TIMM10: variants seen among roughly 807,000 people sequenced by gnomAD.
TIMM10 encodes mitochondrial import inner membrane translocase subunit Tim10.
Under a neutral mutation model 9.1 loss-of-function variants are expected in TIMM10, and 13 were observed. The ratio of observed to expected loss-of-function variants is 1.42; its 90% CI spans 0.93 to 2.26. The LOEUF is 2.26. Among genes scored for constraint, TIMM10 ranks in the 30% most tolerant of loss-of-function variants. TIMM10 has a pLI of 0.00. For synonymous variants in TIMM10, 40 were observed against 42.1 expected (o/e 0.95, Z 0.20); for missense variants, 82 against 113.6 (o/e 0.72, Z 1.26).
In TIMM10 at chr11:57,530,225, C is replaced by T. The variant is rs1944785883; in HGVS notation, c.-36G>A. On this transcript the variant is annotated 5_prime_UTR_variant, in exon 2 of 3. Transcript: ENST00000257245. ...CACCGTGGAAGGGATCTCCTTCTGG[C>T]CTCCTAATCCTGGGAGCAGACATCA... is the stretch of plus-strand genomic sequence containing the variant. 2 of 1,608,216 alleles carry T rather than the reference C, an allele frequency of 1.2e-6. No homozygotes were observed.
At position 57,528,900 on chromosome 11, in the gene TIMM10, G is replaced by A. The variant is rs139791441; in HGVS notation, c.90C>T (p.His30=). The A allele has an allele frequency of 1.2e-6, 2 of 1,613,212 alleles. No homozygotes were observed. Among genetic ancestry groups the A allele is most frequent in the African/African-American group, 1.3e-5 (1 of 74,908 alleles). Reference sequence around the variant, plus strand: ...TGTAGTGAGGAGGCACACACTTCCGGTGGCAGGCACTGGTCATTCTGGAGG... The same window carrying A: ...TGTAGTGAGGAGGCACACACTTCCGATGGCAGGCACTGGTCATTCTGGAGG... ...DMYNRMTSAC[H]RKCVPPHYKE... Residue 30 remains histidine, a synonymous_variant, in exon 3 of 3, where the codon CAC becomes CAT. Coordinates refer to ENST00000257245, the MANE Select transcript of TIMM10 (RefSeq NM_012456.3).
At chr11:57,530,025 AC>A in intron 2 of TIMM10, 93 bp downstream of exon 2, 1 of 1,427,560 alleles carries the variant, frequency 7.0e-7, no homozygotes, top group African/African-American at 1.4e-5. Context: ...AGGCTCCCCT[AC>A]ATTCAGGAAG....
chr11:57,528,975 C>T lies in TIMM10; in HGVS notation c.72-57G>A, dbSNP rs568961472. 67 of 1,578,986 alleles carry T rather than the reference C, an allele frequency of 4.2e-5. No homozygotes were observed. The African/African-American group carries it at 8.5e-4, about 20-fold the overall frequency. On this transcript the variant is annotated intron_variant, in intron 2 of 2. Transcript: ENST00000257245. ...CAGCATCCTGTGACATCCCAGGAAC[C>T]TTGACCATTCCAGCCCTGCTATATT...
rs748010105 is a variant in TIMM10, at chr11:57,528,914, T to C, written c.76A>G (p.Thr26Ala). ...ACACACTTCCGGTGGCAGGCACTGG[T>C]CATTCTGGAGGGAGGGAGGGGCAAG... ...EMMADMYNRM[T>A]SACHRKCVPP... Residue 26 changes from threonine (T) to alanine (A), a missense_variant, in exon 3 of 3, where the codon ACC (threonine) becomes GCC (alanine). Physicochemically the swap from Thr to Ala is moderately conservative, Grantham distance 58. Transcript: ENST00000257245. 3 of 1,612,748 alleles carry C rather than the reference T, an allele frequency of 1.9e-6. No individual in the cohort carries two copies. The highest frequency in any genetic ancestry group is 2.7e-5 in the African/African-American group (2 of 74,850).
At chr11:57,530,287 CCTG>C in intron 1 of TIMM10, 53 bp from the exon 2 acceptor site, 1 of 1,285,956 alleles carries the variant, frequency 7.8e-7, no homozygotes. Context: ...CTCTCCTACC[CCTG>C]GGGCTAGAGG....
chr11:57,529,979 T>C, intron 2 of TIMM10, 140 bp downstream of exon 2: 2 of 823,588 alleles, frequency 2.4e-6, no homozygotes, highest in Non-Finnish European at 4.0e-6. Context: ...AGGATCAACC[T>C]TGAAGGTGGG....
In TIMM10 at chr11:57,530,237, G is replaced by A. The variant is rs113118872; in HGVS notation, c.-45-3C>T. 1.1e-5 allele frequency: 17 copies of A among 1,595,830 alleles called. No homozygotes were observed. In the African/African-American group the frequency reaches 2.1e-4, roughly 20 times the overall value. On this transcript the variant is annotated splice_region_variant and splice_polypyrimidine_tract_variant and intron_variant, in intron 1 of 2. Transcript: ENST00000257245. ...GATCTCCTTCTGGCCTCCTAATCCT[G>A]GGAGCAGACATCACCATCAGCACCC...
Position 57,528,691 on chromosome 11 carries a change from C to A in TIMM10, c.*26G>T. On this transcript the variant is annotated 3_prime_UTR_variant, in exon 3 of 3. Coordinates refer to ENST00000257245, the MANE Select transcript of TIMM10 (RefSeq NM_012456.3). Reference sequence around the variant, plus strand: ...TTAAAGTGGGAAGGGGTGGGGTACACCCCAGGGTGTATACTGACAGGGACC... The same window carrying A: ...TTAAAGTGGGAAGGGGTGGGGTACAACCCAGGGTGTATACTGACAGGGACC... 2 of 1,611,868 alleles carry A rather than the reference C, an allele frequency of 1.2e-6. No homozygotes were observed. Among genetic ancestry groups the A allele is most frequent in the Non-Finnish European group, 1.7e-6 (2 of 1,179,164 alleles).
chr11:57,529,056 G>T, intron 2 of TIMM10, 138 bp from the exon 3 acceptor site: 1 of 885,730 alleles, frequency 1.1e-6, no homozygotes, highest in Non-Finnish European at 1.8e-6. Flanking sequence ...CTCAACCACT[G>T]GAAGGTCCTT....
chr11:57,528,602 ACT>A lies in TIMM10; in HGVS notation c.*113_*114del. 5.2e-6 allele frequency: 5 copies of A among 964,088 alleles called. No homozygotes were observed. Among genetic ancestry groups the A allele is most frequent in the Middle Eastern group, 3.3e-4 (1 of 3,058 alleles). The allele number at this position is 964,088 out of a possible 1,614,324, so 59.7% of individuals were successfully genotyped here. ...GCGCTACCACTCCGGGATCTTGAAG[ACT>A]CTCTACAGAGAGCCTAGGCCTGGCA... On this transcript the variant is annotated 3_prime_UTR_variant, in exon 3 of 3. Coordinates refer to ENST00000257245, the MANE Select transcript of TIMM10 (RefSeq NM_012456.3).
At chr11:57,529,715 G>A (rs1000620995) in intron 2 of TIMM10, among the ~76,000 whole-genome samples, 28 of 152,148 alleles carry the variant, frequency 1.8e-4, no homozygotes, top group Admixed American at 5.2e-4. Flanking sequence ...ATTTTAAGAC[G>A]GGACTAATAA....
At chr11:57,529,100 GACTA>G (rs1442744198) in intron 2 of TIMM10, among the ~76,000 whole-genome samples, 182 bp from the exon 3 acceptor site, 13 of 152,326 alleles carry the variant, frequency 8.5e-5, no homozygotes, top group Non-Finnish European at 1.2e-4. Context: ...CCATGTATAT[GACTA>G]ACTAAGTAGA....
rs752948043 is a variant in TIMM10, at chr11:57,528,723, A to C, written c.267T>G (p.Pro89=). The part of the protein sequence containing the change: ...LMKRVQQSSG[P]A ...GTGTATACTGACAGGGACCTCATGC[A>C]GGCCCAGAGCTCTGCTGCACCCTCT... is the stretch of plus-strand genomic sequence containing the variant. Residue 89 remains proline (P), a synonymous_variant, in exon 3 of 3, where the codon CCT becomes CCG. Transcript: ENST00000257245. 2.9e-5 allele frequency: 46 copies of C among 1,613,562 alleles called. No homozygotes were observed. The highest frequency in any genetic ancestry group is 3.9e-5 in the Non-Finnish European group (46 of 1,179,992).
In TIMM10 at chr11:57,528,483, T is replaced by TTATATATATATATATATATATATATA. The variant is rs10547275; in HGVS notation, c.*208_*233dup. 2 of 149,528 alleles carry TTATATATATATATATATATATATATA rather than the reference T, an allele frequency of 1.3e-5. No homozygotes were observed. The highest frequency in any genetic ancestry group is 3.7e-4 in the East Asian group (2 of 5,402). The allele number at this position is 149,528 out of a possible 1,614,324, so 9.3% of individuals were successfully genotyped here. On this transcript the variant is annotated 3_prime_UTR_variant, in exon 3 of 3. Coordinates refer to ENST00000257245, the MANE Select transcript of TIMM10 (RefSeq NM_012456.3). ...ACATAGTAGGTGTCAACAAACTTGT[T>TTATATATATATATATATATATATATA]TATATATATATATATATATATATAT...
At position 57,530,194 on chromosome 11, in the gene TIMM10, G is replaced by C. The variant is rs1292189491; in HGVS notation, c.-5C>G. 1.2e-6 allele frequency: 2 copies of C among 1,614,020 alleles called. No individual in the cohort carries two copies. The highest frequency in any genetic ancestry group is 1.7e-6 in the Non-Finnish European group (2 of 1,179,974). ...TTGGGCCCTGAGAGGATCCATCTCA[G>C]CCTAGCACCGTGGAAGGGATCTCCT... On this transcript the variant is annotated 5_prime_UTR_variant, in exon 2 of 3. Transcript: ENST00000257245.
At chr11:57,530,547 G>C in intron 1 of TIMM10, 111 bp downstream of exon 1, 1 of 270,220 alleles carries the variant, frequency 3.7e-6, no homozygotes. Flanking sequence ...CCCTGGGAAT[G>C]GGATCATACG....
chr11:57,530,233 T>A lies in TIMM10; in HGVS notation c.-44A>T, dbSNP rs1288558552. ...AAGGGATCTCCTTCTGGCCTCCTAA[T>A]CCTGGGAGCAGACATCACCATCAGC... On this transcript the variant is annotated splice_region_variant and 5_prime_UTR_variant, in exon 2 of 3. Transcript: ENST00000257245. 6.2e-7 allele frequency: 1 copy of A among 1,603,204 alleles called. No homozygotes were observed. Among genetic ancestry groups the A allele is most frequent in the East Asian group, 2.2e-5 (1 of 44,828 alleles).
At position 57,528,916 on chromosome 11, in the gene TIMM10, A is replaced by G. The variant is rs769705163; in HGVS notation, c.74T>C (p.Met25Thr). ...ACACTTCCGGTGGCAGGCACTGGTC[A>G]TTCTGGAGGGAGGGAGGGGCAAGGT... is the stretch of plus-strand genomic sequence containing the variant. The part of the protein sequence containing the change: ...VEMMADMYNR[M>T]TSACHRKCVP... Residue 25 changes from methionine to threonine, a missense_variant and splice_region_variant, in exon 3 of 3, where the codon ATG (methionine) becomes ACG (threonine). Coordinates refer to ENST00000257245, the MANE Select transcript of TIMM10 (RefSeq NM_012456.3). 6.2e-7 allele frequency: 1 copy of G among 1,612,906 alleles called. No homozygotes were observed. Among genetic ancestry groups the G allele is most frequent in the Non-Finnish European group, 8.5e-7 (1 of 1,179,982 alleles).
chr11:57,529,995 G>A (rs1241548518), intron 2 of TIMM10, 124 bp downstream of exon 2: 1 of 990,668 alleles, frequency 1.0e-6, no homozygotes, highest in Non-Finnish European at 1.6e-6. Context: ...GTGGGTGTGG[G>A]GAGGGTAAGC....
Sources: gnomAD v4.1 joint callset for allele counts (sites outside exome capture counted in the v4.1 genomes callset) on GRCh38, gnomAD v4.1.1 for gene constraint, MANE v1.5 for transcripts, NCBI Gene and HGNC (gene_info 2026-07-23, HGNC 2026-07-21) for gene names.